Variants in C10orf90 observed in about 807,000 individuals in gnomAD.
C10orf90 encodes (E2-independent) E3 ubiquitin-conjugating enzyme FATS.
Under a neutral mutation model 62.5 loss-of-function variants are expected in C10orf90, and 56 were observed. That is an observed-to-expected ratio of 0.90 (90% CI 0.72 to 1.12). The LOEUF (loss-of-function observed/expected upper bound fraction) is 1.12. C10orf90 is among the 50% of genes most tolerant of loss of function. C10orf90 has a pLI of 0.00. For missense variants in C10orf90, 970 were observed against 880.4 expected, an observed-to-expected ratio of 1.10 and a Z score of -1.29; for synonymous variants, 386 against 340.4, an observed-to-expected ratio of 1.13 and a Z score of -1.47.
At chr10:126,655,402 T>G (rs1846373954) in intron 1 of C10orf90, among the ~76,000 whole-genome samples, 1 of 152,152 alleles carries the variant, frequency 6.6e-6, no homozygotes, top group South Asian at 2.1e-4. Context: ...TGAAATATTG[T>G]GAGAATTTCT....
intron 5 of C10orf90, among the ~76,000 whole-genome samples, chr10:126,463,778 C>A (rs973589734): frequency 6.6e-6 from 1 of 152,356 alleles, no homozygotes; most frequent in South Asian, 2.1e-4. Context: ...TCGGCTTCCC[C>A]ATGGCCCACC....
At chr10:126,633,738 C>T (rs776374752) in intron 2 of C10orf90, among the ~76,000 whole-genome samples, 1 of 152,200 alleles carries the variant, frequency 6.6e-6, no homozygotes, top group Non-Finnish European at 1.5e-5. Context: ...TCCCTCTTCC[C>T]AACCTCTCTG....
chr10:126,595,584 T>C (rs1170687317), intron 2 of C10orf90, among the ~76,000 whole-genome samples: 1 of 152,168 alleles, frequency 6.6e-6, no homozygotes, highest in Non-Finnish European at 1.5e-5. Context: ...TGTGGTACTC[T>C]AGGAGGAGAC....
chr10:126,451,052 TA>T (rs918355181), intron 7 of C10orf90, among the ~76,000 whole-genome samples: 53 of 144,156 alleles, frequency 3.7e-4, no homozygotes, highest in South Asian at 6.6e-4. Flanking sequence ...TAGAGATTTC[TA>T]AAAAAAAAAA....
At chr10:126,657,339 G>T (rs1241965398) in intron 1 of C10orf90, among the ~76,000 whole-genome samples, 1 of 152,126 alleles carries the variant, frequency 6.6e-6, no homozygotes, top group South Asian at 2.1e-4. Context: ...GCCCCTGGGG[G>T]CCTCTATTTT....
In C10orf90 at chr10:126,429,846, G is replaced by C. The variant is rs755785407; in HGVS notation, c.2193C>G (p.Asn731Lys). Residue 731 changes from asparagine (N) to lysine (K), a missense_variant, in exon 8 of 10, where the codon AAC (asparagine) becomes AAG (lysine). Coordinates refer to ENST00000488181, the MANE Select transcript of C10orf90 (RefSeq NM_001350921.2). Reference sequence around the variant, plus strand: ...TGCACCGTTCTTTGGGTTTGAACAAGTTATCTGGAAAAAATAGAAAGAGAA... The same window carrying C: ...TGCACCGTTCTTTGGGTTTGAACAACTTATCTGGAAAAAATAGAAAGAGAA... ...QFTIPHPLSD[N>K]LFKPKERCIS... The C allele has an allele frequency of 6.2e-7, 1 of 1,613,454 alleles. No individual in the cohort carries two copies. Among genetic ancestry groups the C allele is most frequent in the Non-Finnish European group, 8.5e-7 (1 of 1,179,466 alleles).
intron 2 of C10orf90, among the ~76,000 whole-genome samples, chr10:126,544,301 G>A (rs776699492): frequency 6.6e-6 from 1 of 152,120 alleles, no homozygotes; most frequent in Non-Finnish European, 1.5e-5. Context: ...ACTATCTGCT[G>A]TACCCTTTGG....
chr10:126,525,382 A>C (rs1863906655), intron 2 of C10orf90, among the ~76,000 whole-genome samples: 1 of 152,196 alleles, frequency 6.6e-6, no homozygotes, highest in Non-Finnish European at 1.5e-5. Flanking sequence ...AGATGTCAGA[A>C]TGGATTTCCT....
At chr10:126,663,543 T>C (rs1846561699) in intron 1 of C10orf90, among the ~76,000 whole-genome samples, 1 of 152,204 alleles carries the variant, frequency 6.6e-6, no homozygotes, top group Non-Finnish European at 1.5e-5. Context: ...GGAAATCAGC[T>C]GACACCCGCC....
chr10:126,452,721 G>A (rs1297109685), intron 7 of C10orf90, among the ~76,000 whole-genome samples: 4 of 152,216 alleles, frequency 2.6e-5, no homozygotes. Context: ...ACCTCACAGT[G>A]TCTGTGAAGG....
At chr10:126,535,326 G>A (rs1476350399) in intron 2 of C10orf90, among the ~76,000 whole-genome samples, 2 of 151,876 alleles carry the variant, frequency 1.3e-5, no homozygotes, top group African/African-American at 4.8e-5. Flanking sequence ...GACCATCCTG[G>A]CTAACAAGGT....
chr10:126,589,074 T>C (rs1169141671), intron 2 of C10orf90, among the ~76,000 whole-genome samples: 1 of 152,106 alleles, frequency 6.6e-6, no homozygotes, highest in Non-Finnish European at 1.5e-5. Context: ...CAAGTATCAA[T>C]AGCAGAATAG....
intron 2 of C10orf90, among the ~76,000 whole-genome samples, chr10:126,526,728 C>T (rs1159377313): frequency 2.0e-5 from 3 of 152,180 alleles, no homozygotes; most frequent in Non-Finnish European, 4.4e-5. Context: ...TCCACATGAT[C>T]CCTTGACCTC....
At chr10:126,655,921 G>T (rs113671723) in intron 1 of C10orf90, among the ~76,000 whole-genome samples, 4 of 152,042 alleles carry the variant, frequency 2.6e-5, no homozygotes, top group Admixed American at 6.5e-5. Flanking sequence ...CTGGGCCTGG[G>T]GGGGAGAAGA....
At chr10:126,624,963 A>G (rs927478187) in intron 2 of C10orf90, among the ~76,000 whole-genome samples, 1 of 152,216 alleles carries the variant, frequency 6.6e-6, no homozygotes. Flanking sequence ...GAGAGCGGGC[A>G]GTCTATTAAA....
At position 126,459,023 on chromosome 10, in the gene C10orf90, A is replaced by C; in HGVS notation, c.2188+17T>G. 6.2e-7 allele frequency: 1 copy of C among 1,606,876 alleles called. No individual in the cohort carries two copies. Among genetic ancestry groups the C allele is most frequent in the Non-Finnish European group, 8.5e-7 (1 of 1,176,598 alleles). ...TCCCTGGTCTTTTCCAGTCTCCACA[A>C]GCCACCTGCAGCTTACCACTCAGAG... On this transcript the variant is annotated intron_variant, in intron 7 of 9. Transcript: ENST00000488181.
chr10:126,643,048 C>T (rs138769294), intron 2 of C10orf90, among the ~76,000 whole-genome samples: 84 of 152,346 alleles, frequency 5.5e-4, no homozygotes, highest in East Asian at 3.7e-3. Flanking sequence ...CCACATTACC[C>T]GCCACCTGGA....
chr10:126,588,174 C>A (rs553087933), intron 2 of C10orf90, among the ~76,000 whole-genome samples: 1 of 152,194 alleles, frequency 6.6e-6, no homozygotes, highest in East Asian at 1.9e-4. Context: ...GGAGTCCAGG[C>A]GGTCGGAACC....
intron 2 of C10orf90, among the ~76,000 whole-genome samples, chr10:126,608,659 T>C (rs1042287608): frequency 5.3e-5 from 8 of 152,188 alleles, no homozygotes; most frequent in African/African-American, 1.9e-4. Context: ...TCACAATGGA[T>C]TATATGCAGA....
Sources: gnomAD v4.1 joint callset for allele counts (sites outside exome capture counted in the v4.1 genomes callset) on GRCh38, gnomAD v4.1.1 for gene constraint, MANE v1.5 for transcripts, NCBI Gene and HGNC (gene_info 2026-07-23, HGNC 2026-07-21) for gene names.